The following PXK variants were observed in gnomAD, a reference collection of about 807,000 sequenced individuals.
PXK encodes the protein PX domain containing serine/threonine kinase like.
In PXK, 35 loss-of-function variants were observed where a neutral mutation model predicts 84.7. The observed-to-expected ratio is 0.41, with a 90% CI of 0.32 to 0.55. PXK has a LOEUF of 0.55. Ranked by LOEUF, PXK falls within the 20% of genes least tolerant of loss-of-function variation. The pLI is 0.21. For synonymous variants in PXK, 253 were observed against 260.8 expected (o/e 0.97, Z 0.29); for missense variants, 634 against 699.7 (o/e 0.91, Z 1.06).
chr3:58,382,762 G>C, intron 4 of PXK, 62 bp downstream of exon 4: 1 of 1,230,684 alleles, frequency 8.1e-7, no homozygotes, highest in African/African-American at 1.6e-5. Context: ...CCTTGCTGGA[G>C]ATAACGTATG....
At chr3:58,375,974 AATT>A (rs1381282659) in intron 3 of PXK, among the ~76,000 whole-genome samples, 3 of 152,094 alleles carry the variant, frequency 2.0e-5, no homozygotes, top group Non-Finnish European at 4.4e-5. Flanking sequence ...CCAAAATAAT[AATT>A]ATCTTGTTTT....
At chr3:58,423,179 T>C (rs1452653164) in intron 17 of PXK, 1 of 984,948 alleles carries the variant, frequency 1.0e-6, no homozygotes, top group Non-Finnish European at 1.2e-6. Context: ...TTCAGAGGAA[T>C]GCTCATCACA....
At chr3:58,386,622 C>T (rs946614459) in intron 4 of PXK, among the ~76,000 whole-genome samples, 2 of 152,070 alleles carry the variant, frequency 1.3e-5, no homozygotes, top group African/African-American at 4.8e-5. Flanking sequence ...TAACAAGGTA[C>T]TTCTATCATT....
At chr3:58,357,481 A>G (rs567102934) in intron 1 of PXK, among the ~76,000 whole-genome samples, 3 of 152,168 alleles carry the variant, frequency 2.0e-5, no homozygotes, top group Non-Finnish European at 4.4e-5. Context: ...GCTGTTTTAC[A>G]GTTACCTTTC....
chr3:58,388,211 T>A (rs2098581226), intron 4 of PXK, among the ~76,000 whole-genome samples: 1 of 152,190 alleles, frequency 6.6e-6, no homozygotes, highest in Non-Finnish European at 1.5e-5. Context: ...TCCCTGACCC[T>A]AAGTGAAAAA....
chr3:58,390,018 A>AC lies in PXK; in HGVS notation c.389-564_389-563insC, dbSNP rs1203559268. 6.6e-6 allele frequency among the ~76,000 whole-genome samples: 1 copy of AC among 150,942 alleles called. No individual in the cohort carries two copies. Among genetic ancestry groups the AC allele is most frequent in the Non-Finnish European group, 1.5e-5 (1 of 67,766 alleles). ...CCGTCTCAAAAAAAAAAAAAAAAAA[A>AC]AAAAAACAATTTAGCCAGGCGTGAT... On this transcript the variant is annotated intron_variant, in intron 4 of 17. Coordinates refer to ENST00000356151, the MANE Select transcript of PXK (RefSeq NM_017771.5). This position sits in a 1 kb window ranked among gnomAD's most constrained non-coding sequence, Gnocchi z 4.2.
At chr3:58,369,547 G>A (rs1338329228) in intron 3 of PXK, 69 bp downstream of exon 3, 9 of 1,235,244 alleles carry the variant, frequency 7.3e-6, no homozygotes, top group African/African-American at 1.5e-5. Context: ...GCTGGAGTCG[G>A]GGCACGGTGG....
At chr3:58,410,335 C>T (rs1182344398) in intron 16 of PXK, among the ~76,000 whole-genome samples, 176 bp downstream of exon 16, 1 of 152,224 alleles carries the variant, frequency 6.6e-6, no homozygotes, top group African/African-American at 2.4e-5. Context: ...CGTAGGCTTA[C>T]AGCACTCAAA....
chr3:58,339,212 TGGG>T (rs150595638), intron 1 of PXK, among the ~76,000 whole-genome samples: 2 of 149,994 alleles, frequency 1.3e-5, no homozygotes, highest in African/African-American at 2.5e-5. Context: ...TTGGGTTTTG[TGGG>T]GGGTTTTTTT....
chr3:58,409,618 G>A lies in PXK; in HGVS notation c.1395G>A (p.Lys465=). 6.2e-7 allele frequency: 1 copy of A among 1,610,028 alleles called. No homozygotes were observed. The highest frequency in any genetic ancestry group is 8.5e-7 in the Non-Finnish European group (1 of 1,177,894). ...ERKKRKILAR[K]KSKRSALENS... The stretch of plus-strand genomic sequence containing the variant: ...AAAAAAGAAAGATTTTAGCTCGAAA[G>A]GTAAGCCTGCTGTCTCTCTGCAGTC... The change falls in exon 15 of 18, where the codon AAG becomes AAA. Residue 465 remains lysine, a splice_region_variant and synonymous_variant. Coordinates refer to ENST00000356151, the MANE Select transcript of PXK (RefSeq NM_017771.5). This position sits in a 1 kb window ranked among gnomAD's most constrained non-coding sequence, Gnocchi z 4.2.
chr3:58,413,280 A>C, intron 17 of PXK: 1 of 383,978 alleles, frequency 2.6e-6, no homozygotes, highest in South Asian at 2.8e-5. Context: ...TTAGCTGAAC[A>C]ACACAAATGC....
At chr3:58,389,999 C>CAAAA (rs61380830) in intron 4 of PXK, among the ~76,000 whole-genome samples, 31 of 51,628 alleles carry the variant, frequency 6.0e-4, no homozygotes, top group African/African-American at 9.9e-4. Flanking sequence ...AACTCCGTCT[C>CAAAA]AAAAAAAAAA....
chr3:58,410,036 T>C (rs906897163), intron 15 of PXK, 54 bp from the exon 16 acceptor site: 9 of 1,125,878 alleles, frequency 8.0e-6, no homozygotes, highest in Non-Finnish European at 1.2e-5. Flanking sequence ...AGCTTCACTG[T>C]GTTTATTCTT....
rs1003344542 is a variant in PXK, at chr3:58,385,658, C to G, written c.388+2958C>G. Among the ~76,000 whole-genome samples, 1 of 152,128 alleles carries G rather than the reference C, an allele frequency of 6.6e-6. No homozygotes were observed. Among genetic ancestry groups the G allele is most frequent in the Non-Finnish European group, 1.5e-5 (1 of 68,032 alleles). On this transcript the variant is annotated intron_variant, in intron 4 of 17. Transcript: ENST00000356151. The surrounding 1 kb of genome is among the most constrained non-coding windows in gnomAD (Gnocchi z 5.1). Reference sequence around the variant, plus strand: ...GGATTACAAGTGCACACCACCATGCCCAGCTAATTTTTTCATTGTTTGTAG... The same window carrying G: ...GGATTACAAGTGCACACCACCATGCGCAGCTAATTTTTTCATTGTTTGTAG...
intron 13 of PXK, among the ~76,000 whole-genome samples, chr3:58,406,196 TG>T (rs2059380837): frequency 6.6e-6 from 1 of 152,124 alleles, no homozygotes; most frequent in African/African-American, 2.4e-5. Context: ...CGACCTCAGG[TG>T]AACCACTCAC....
At chr3:58,352,805 G>C (rs1364637228) in intron 1 of PXK, among the ~76,000 whole-genome samples, 1 of 152,122 alleles carries the variant, frequency 6.6e-6, no homozygotes, top group Admixed American at 6.6e-5. Context: ...TTTGAAGTCG[G>C]TGTGGAGACC....
rs2061780497 is a variant in PXK, at chr3:58,421,190, C to A, written c.1529-3562C>A. 1 of 985,242 alleles carries A rather than the reference C, an allele frequency of 1.0e-6. No homozygotes were observed. The highest frequency in any genetic ancestry group is 6.2e-5 in the Admixed American group (1 of 16,256). The allele number at this position is 985,242 out of a possible 1,614,324, so 61.0% of individuals were successfully genotyped here. A position where few individuals can be genotyped will look rare whatever the true frequency, so the allele number is the denominator to read the frequency against. The stretch of plus-strand genomic sequence containing the variant: ...GTGTTACCCTAGTGTGGTCTCATGG[C>A]CACTTGGCCTCCCTTCCTGTATGTG... On this transcript the variant is annotated intron_variant, in intron 17 of 17. Coordinates refer to ENST00000356151, the MANE Select transcript of PXK (RefSeq NM_017771.5). The surrounding 1 kb of genome is among the most constrained non-coding windows in gnomAD (Gnocchi z 5.5).
chr3:58,397,059 C>T lies in PXK; in HGVS notation c.843C>T (p.Asp281=). ...QILEVLKFLH[D]KGFPYGHLHA... ...GATAGGTACTGAAGTTTCTTCATGACAAGGGATTCCCTTATGGGCATCTTC... is the reference window on the plus strand; with the variant it reads ...GATAGGTACTGAAGTTTCTTCATGATAAGGGATTCCCTTATGGGCATCTTC... Residue 281 remains aspartate (D), a synonymous_variant, in exon 10 of 18, where the codon GAC becomes GAT. Transcript: ENST00000356151. This position sits in a 1 kb window ranked among gnomAD's most constrained non-coding sequence, Gnocchi z 4.7. 1 of 1,614,046 alleles carries T rather than the reference C, an allele frequency of 6.2e-7. No individual in the cohort carries two copies. Among genetic ancestry groups the T allele is most frequent in the Non-Finnish European group, 8.5e-7 (1 of 1,179,928 alleles).
At chr3:58,394,950 C>G in intron 7 of PXK, 48 bp from the exon 8 acceptor site, 1 of 1,425,670 alleles carries the variant, frequency 7.0e-7, no homozygotes, top group African/African-American at 1.4e-5. Flanking sequence ...TTTAAAAGGA[C>G]CTAGATCCTG....
Sources: gnomAD v4.1 joint callset for allele counts (sites outside exome capture counted in the v4.1 genomes callset) on GRCh38, gnomAD v4.1.1 for gene constraint, Gnocchi (gnomAD v3.1) non-coding constraint, MANE v1.5 for transcripts, NCBI Gene and HGNC (gene_info 2026-07-23, HGNC 2026-07-21) for gene names.